The following NEGR1 variants were observed in gnomAD, a reference collection of about 807,000 sequenced individuals.
The protein encoded by NEGR1 is IgLON family member 4.
In NEGR1, 10 loss-of-function variants were observed where a neutral mutation model predicts 40.9. That is an observed-to-expected ratio of 0.24 (90% CI 0.15 to 0.42). NEGR1 has a LOEUF of 0.42. NEGR1 is among the 10% of genes least tolerant of loss of function. The pLI, the probability that NEGR1 is intolerant of heterozygous loss-of-function variation, is 1.00. For missense variants in NEGR1, 352 were observed against 438.9 expected (o/e 0.80, Z 1.77); for synonymous variants, 185 against 166.8 (o/e 1.11, Z -0.84).
At chr1:71,768,616 T>G (rs947209174) in intron 3 of NEGR1, among the ~76,000 whole-genome samples, 1 of 152,180 alleles carries the variant, frequency 6.6e-6, no homozygotes, top group East Asian at 1.9e-4. Flanking sequence ...AACTTAATGC[T>G]GCAATAAGGT....
At chr1:71,774,617 T>C (rs1179052869) in intron 3 of NEGR1, among the ~76,000 whole-genome samples, 1 of 152,186 alleles carries the variant, frequency 6.6e-6, no homozygotes, top group Non-Finnish European at 1.5e-5. Context: ...TCTACACCTG[T>C]ATAAAATATG....
intron 2 of NEGR1, among the ~76,000 whole-genome samples, chr1:71,820,512 G>A (rs1250731290): frequency 6.6e-6 from 1 of 151,970 alleles, no homozygotes; most frequent in Non-Finnish European, 1.5e-5. Context: ...TTAAGTTGAA[G>A]TTGATATCCA....
chr1:71,843,533 TA>T (rs2101804651), intron 2 of NEGR1, among the ~76,000 whole-genome samples: 1 of 152,248 alleles, frequency 6.6e-6, no homozygotes, highest in South Asian at 2.1e-4. Flanking sequence ...CTGTATCCTC[TA>T]TCTGTTCCTA....
intron 1 of NEGR1, among the ~76,000 whole-genome samples, chr1:72,210,333 A>G (rs1653554765): frequency 6.6e-6 from 1 of 151,868 alleles, no homozygotes; most frequent in Non-Finnish European, 1.5e-5. Context: ...TTGAGTACAC[A>G]TATTTTTAAT....
chr1:71,614,451 T>C (rs1441466327), intron 4 of NEGR1, among the ~76,000 whole-genome samples: 3 of 152,126 alleles, frequency 2.0e-5, no homozygotes, highest in Non-Finnish European at 4.4e-5. Flanking sequence ...TTAAATATAT[T>C]AAAAAATCTA....
intron 2 of NEGR1, among the ~76,000 whole-genome samples, chr1:71,779,210 G>A (rs1570335537): frequency 6.6e-6 from 1 of 152,146 alleles, no homozygotes; most frequent in African/African-American, 2.4e-5. Context: ...AACAGGTGTT[G>A]CTTTGCTGAA....
At chr1:72,000,328 T>C (rs576569715) in intron 1 of NEGR1, among the ~76,000 whole-genome samples, 4 of 152,038 alleles carry the variant, frequency 2.6e-5, no homozygotes, top group Non-Finnish European at 5.9e-5. Flanking sequence ...TTCCACACAG[T>C]AGTAAATTTC....
intron 1 of NEGR1, among the ~76,000 whole-genome samples, chr1:72,239,758 A>G (rs1654674159): frequency 6.6e-6 from 1 of 151,790 alleles, no homozygotes; most frequent in Non-Finnish European, 1.5e-5. Flanking sequence ...ATTAGAATTT[A>G]CTTTTCATTC....
At chr1:71,474,281 A>ATGTGTGTGTGTGTGTG in intron 6 of NEGR1, among the ~76,000 whole-genome samples, 1 of 143,644 alleles carries the variant, frequency 7.0e-6, no homozygotes, top group Middle Eastern at 3.6e-3. Context: ...AAACAGGAAA[A>ATGTGTGTGTGTGTGTG]TGTGTGTGTG....
intron 2 of NEGR1, among the ~76,000 whole-genome samples, chr1:71,857,493 T>A (rs930589984): frequency 6.7e-6 from 1 of 148,192 alleles, no homozygotes. Flanking sequence ...CTGGGCTTGG[T>A]GGCACACACC....
intron 1 of NEGR1, among the ~76,000 whole-genome samples, chr1:71,968,369 C>T (rs955029634): frequency 3.9e-5 from 6 of 152,078 alleles, no homozygotes; most frequent in East Asian, 1.9e-4. Flanking sequence ...AGATTTGTTG[C>T]GGTCAGTTAG....
rs1209174617 is a variant in NEGR1 at position 71,402,717 on chromosome 1, T to C, written c.*4729A>G. On this transcript the variant is annotated 3_prime_UTR_variant, in exon 7 of 7. Transcript: ENST00000357731. ...ACCTTGGAAAATTATCTCTACAAAT[T>C]CTTACTTACATTTCTGACTGTCAGG... 2 of 152,116 alleles carry C rather than the reference T, an allele frequency of 1.3e-5. No individual in the cohort carries two copies. The highest frequency in any genetic ancestry group is 2.9e-5 in the Non-Finnish European group (2 of 67,976). The allele number at this position is 152,116 out of a possible 1,614,324, so 9.4% of individuals were successfully genotyped here.
At chr1:71,457,422 C>T (rs756669821) in intron 6 of NEGR1, among the ~76,000 whole-genome samples, 2 of 152,214 alleles carry the variant, frequency 1.3e-5, no homozygotes, top group Non-Finnish European at 2.9e-5. Flanking sequence ...TAGATCTGCC[C>T]ATGACACCCA....
intron 6 of NEGR1, among the ~76,000 whole-genome samples, chr1:71,425,973 C>T (rs958104134): frequency 8.5e-5 from 13 of 152,152 alleles, no homozygotes; most frequent in Admixed American, 6.5e-4. Flanking sequence ...AGCAATCACA[C>T]TCCTACAGCT....
At chr1:71,557,696 T>C (rs1182717399) in intron 6 of NEGR1, among the ~76,000 whole-genome samples, 1 of 151,576 alleles carries the variant, frequency 6.6e-6, no homozygotes, top group African/African-American at 2.4e-5. Context: ...TATATAACCA[T>C]GGGACAATTA....
intron 1 of NEGR1, among the ~76,000 whole-genome samples, chr1:72,114,170 T>C (rs1211370629): frequency 6.6e-6 from 1 of 151,720 alleles, no homozygotes; most frequent in Non-Finnish European, 1.5e-5. Flanking sequence ...TGAGGGTATT[T>C]TTTTTTAGAT....
At chr1:72,063,879 A>C (rs192492981) in intron 1 of NEGR1, among the ~76,000 whole-genome samples, 13 of 151,452 alleles carry the variant, frequency 8.6e-5, no homozygotes, top group African/African-American at 3.1e-4. Context: ...TACTCAGAGA[A>C]CCCCCCTGTA....
chr1:72,205,441 G>T (rs1653358317), intron 1 of NEGR1, among the ~76,000 whole-genome samples: 1 of 151,112 alleles, frequency 6.6e-6, no homozygotes, highest in Admixed American at 6.6e-5. Context: ...GGACCAAGCA[G>T]AATAAAACTG....
rs145964291 is a variant in NEGR1 at position 71,545,197 on chromosome 1, C to T, written c.940+47620G>A. 3.2e-3 allele frequency among the ~76,000 whole-genome samples: 481 copies of T among 151,756 alleles called. 5 individuals are homozygous for T. The South Asian group carries it at 0.038, about 12-fold the overall frequency. ...GTGGTGTGGGGTACAAGGTCCCATG[C>T]TGGACCTAGAGAACAAGTCCCATAT... On this transcript the variant is annotated intron_variant, in intron 6 of 6. Coordinates refer to ENST00000357731, the MANE Select transcript of NEGR1 (RefSeq NM_173808.3).
Sources: gnomAD v4.1 joint callset for allele counts (sites outside exome capture counted in the v4.1 genomes callset) on GRCh38, gnomAD v4.1.1 for gene constraint, MANE v1.5 for transcripts, NCBI Gene and HGNC (gene_info 2026-07-23, HGNC 2026-07-21) for gene names.